The following PNPLA8 variants were observed in gnomAD, a reference collection of about 807,000 sequenced individuals.
The protein encoded by PNPLA8 is patatin like domain 8, phospholipase A2, also known as calcium-independent phospholipase A2-gamma.
PNPLA8 carries 39 observed loss-of-function variants against 76.9 expected under a neutral mutation model. That is an observed-to-expected ratio of 0.51 (90% CI 0.39 to 0.66). The LOEUF (loss-of-function observed/expected upper bound fraction) is 0.66. Ranked by LOEUF, PNPLA8 falls within the 30% of genes least tolerant of loss-of-function variation. The pLI, the probability that PNPLA8 is intolerant of heterozygous loss-of-function variation, is 0.00. For missense variants in PNPLA8, 887 were observed against 918.0 expected (o/e 0.97, Z 0.44); for synonymous variants, 301 against 307.9 (o/e 0.98, Z 0.24).
At chr7:108,502,668 T>A in intron 4 of PNPLA8, 26 bp from the exon 5 acceptor site, 2 of 1,575,284 alleles carry the variant, frequency 1.3e-6, no homozygotes, top group Non-Finnish European at 8.7e-7. Flanking sequence ...AGATACTTTG[T>A]TGCTTTTGTC....
At chr7:108,474,350 AC>A (rs1293179996) in intron 10 of PNPLA8, among the ~76,000 whole-genome samples, 1 of 152,150 alleles carries the variant, frequency 6.6e-6, no homozygotes, top group Non-Finnish European at 1.5e-5. Flanking sequence ...CTAGTCTCAC[AC>A]CTTCCAGTAA....
In PNPLA8 at chr7:108,472,742, T is replaced by C. The variant is rs906259507; in HGVS notation, c.2075-67A>G. ...AGGGGATAAAGTGAGCAATGAACTGTTAATTTGTCTTTATTTAAAATTAAC... is the reference window on the plus strand; with the variant it reads ...AGGGGATAAAGTGAGCAATGAACTGCTAATTTGTCTTTATTTAAAATTAAC... On this transcript the variant is annotated intron_variant, in intron 10 of 10. Transcript: ENST00000257694. 1.8e-5 allele frequency: 20 copies of C among 1,092,602 alleles called. No homozygotes were observed. The African/African-American group carries it at 3.1e-4, about 17-fold the overall frequency. The allele number at this position is 1,092,602 out of a possible 1,614,324, so 67.7% of individuals were successfully genotyped here.
chr7:108,517,312 C>A (rs1284744696), intron 2 of PNPLA8, among the ~76,000 whole-genome samples: 1 of 152,198 alleles, frequency 6.6e-6, no homozygotes, highest in Non-Finnish European at 1.5e-5. Flanking sequence ...TGAAGAAAGA[C>A]AAAATGGTAC....
intron 2 of PNPLA8, among the ~76,000 whole-genome samples, chr7:108,517,224 A>C (rs1863409676): frequency 6.6e-6 from 1 of 152,246 alleles, no homozygotes; most frequent in African/African-American, 2.4e-5. Context: ...CATATCTATT[A>C]GAATGGCCAG....
intron 7 of PNPLA8, among the ~76,000 whole-genome samples, chr7:108,495,993 T>C (rs1861519231): frequency 6.6e-6 from 1 of 152,208 alleles, no homozygotes. Flanking sequence ...TTATATTTTA[T>C]GATTATATAT....
At chr7:108,499,807 A>C (rs1408825218) in intron 5 of PNPLA8, among the ~76,000 whole-genome samples, 1 of 152,212 alleles carries the variant, frequency 6.6e-6, no homozygotes, top group Non-Finnish European at 1.5e-5. Flanking sequence ...CTATATGACT[A>C]ATACAACTCT....
intron 10 of PNPLA8, among the ~76,000 whole-genome samples, chr7:108,476,040 C>T (rs1228685417): frequency 2.0e-5 from 3 of 152,152 alleles, no homozygotes; most frequent in African/African-American, 4.8e-5. Context: ...CAAGTTTTCT[C>T]ATTCCTTTTC....
intron 9 of PNPLA8, among the ~76,000 whole-genome samples, chr7:108,480,137 C>G (rs924163583): frequency 1.3e-5 from 2 of 152,124 alleles, no homozygotes; most frequent in African/African-American, 4.8e-5. Context: ...GAGGCCAAGG[C>G]AGGAGAATCG....
Position 108,472,625 on chromosome 7 carries a change from A to T in PNPLA8, c.2125T>A (p.Phe709Ile). 1 of 1,600,522 alleles carries T rather than the reference A, an allele frequency of 6.2e-7. No individual in the cohort carries two copies. Among genetic ancestry groups the T allele is most frequent in the Non-Finnish European group, 8.5e-7 (1 of 1,176,636 alleles). Reference protein sequence around the residue: ...GLLPPDTYFRFNPVMCENIPL... With the variant: ...GLLPPDTYFRINPVMCENIPL... ...ATGTTTTCACACATTACAGGATTGA[A>T]TCTAAAATAGGTGTCAGGAGGTAAC... is the stretch of plus-strand genomic sequence containing the variant. Residue 709 changes from phenylalanine (F) to isoleucine (I), a missense_variant, in exon 11 of 11, where the codon TTC becomes ATC. Transcript: ENST00000257694.
At chr7:108,510,828 G>A (rs949245518) in intron 4 of PNPLA8, 479 of 1,599,650 alleles carry the variant, frequency 3.0e-4, no homozygotes, top group Non-Finnish European at 3.8e-4. Context: ...GTTGGAAAAC[G>A]CTTCAAAGAG....
chr7:108,480,196 G>A (rs890791022), intron 9 of PNPLA8, among the ~76,000 whole-genome samples: 1 of 151,972 alleles, frequency 6.6e-6, no homozygotes, highest in Non-Finnish European at 1.5e-5. Flanking sequence ...GGGACACCTG[G>A]TCTCTACAAA....
intron 9 of PNPLA8, among the ~76,000 whole-genome samples, chr7:108,485,598 C>T (rs529316171): frequency 2.8e-4 from 43 of 152,142 alleles, no homozygotes; most frequent in African/African-American, 1.0e-3. Flanking sequence ...GGTTGTAGTA[C>T]TATACTTTAA....
chr7:108,514,819 T>G lies in PNPLA8; in HGVS notation c.673A>C (p.Lys225Gln). The G allele has an allele frequency of 1.2e-6, 2 of 1,613,340 alleles. No individual in the cohort carries two copies. Among genetic ancestry groups the G allele is most frequent in the South Asian group, 2.2e-5 (2 of 91,054 alleles). Reference sequence around the variant, plus strand: ...TTGTCCCGGAAATGTTCATTTTCCTTTTGTTGAGACATTTTTTCCTTACGT... The same window carrying G: ...TTGTCCCGGAAATGTTCATTTTCCTGTTGTTGAGACATTTTTTCCTTACGT... ...FKRKEKMSQQKENEHFRDKSE... is the reference protein window; with the variant it reads ...FKRKEKMSQQQENEHFRDKSE... Residue 225 changes from lysine to glutamine, a missense_variant, in exon 3 of 11, where the codon AAG becomes CAG. By Grantham distance (53) the Lys-to-Gln change is moderately conservative. Transcript: ENST00000257694.
rs1364553278 is a variant in PNPLA8, at chr7:108,470,855, C to T, written c.*1546G>A. 1 of 152,110 alleles carries T rather than the reference C, an allele frequency of 6.6e-6. No individual in the cohort carries two copies. Among genetic ancestry groups the T allele is most frequent in the Non-Finnish European group, 1.5e-5 (1 of 68,022 alleles). 9.4% of individuals were successfully genotyped at this position (152,110 alleles called of 1,614,324 possible). On this transcript the variant is annotated 3_prime_UTR_variant, in exon 11 of 11. Transcript: ENST00000257694. ...AAAGCCTACAGACATTTGCCTTCCT[C>T]AAGGTAACAAACAGAAGGGTTCTTG...
At chr7:108,477,454 A>T (rs1020200685) in intron 10 of PNPLA8, among the ~76,000 whole-genome samples, 5 of 152,212 alleles carry the variant, frequency 3.3e-5, no homozygotes, top group African/African-American at 1.2e-4. Flanking sequence ...TAATATGCTG[A>T]TATGAAAAGA....
intron 9 of PNPLA8, among the ~76,000 whole-genome samples, chr7:108,481,233 C>T (rs528723659): frequency 6.6e-5 from 10 of 152,244 alleles, no homozygotes; most frequent in Admixed American, 3.3e-4. Context: ...AATACGAGTG[C>T]GATCGTTGGA....
At chr7:108,516,973 G>A (rs768997712) in intron 2 of PNPLA8, among the ~76,000 whole-genome samples, 6 of 151,498 alleles carry the variant, frequency 4.0e-5, no homozygotes, top group Non-Finnish European at 7.4e-5. Context: ...ATAAGACAAC[G>A]AGGCAGAGAT....
intron 7 of PNPLA8, among the ~76,000 whole-genome samples, chr7:108,495,558 G>T (rs922272204): frequency 8.6e-5 from 13 of 151,924 alleles, no homozygotes; most frequent in African/African-American, 2.9e-4. Context: ...TATTTTTATT[G>T]TTTTCTCGAT....
intron 7 of PNPLA8, among the ~76,000 whole-genome samples, chr7:108,492,269 T>C (rs754599320): frequency 2.6e-5 from 4 of 152,214 alleles, no homozygotes; most frequent in Non-Finnish European, 5.9e-5. Flanking sequence ...CTCAGTGATC[T>C]ACCCTTTATA....
Sources: allele counts gnomAD v4.1 joint callset (sites outside exome capture counted in the v4.1 genomes callset), GRCh38; gene constraint gnomAD v4.1.1; transcripts MANE v1.5; gene names NCBI Gene and HGNC (gene_info 2026-07-23, HGNC 2026-07-21).